The following CDKN2B-AS1 variants were observed in gnomAD, a reference collection of about 807,000 sequenced individuals.
CDKN2B-AS1 encodes the protein CDKN2B antisense RNA 1 (non-protein coding).
chr9:22,093,084 C>A (rs1284294413), intron 4 of CDKN2B-AS1, among the ~76,000 whole-genome samples: 1 of 151,706 alleles, frequency 6.6e-6, no homozygotes, highest in South Asian at 2.1e-4. Context: ...GTTATGTACC[C>A]AGTAGTCATT....
intron 1 of CDKN2B-AS1, among the ~76,000 whole-genome samples, chr9:22,020,540 T>C (rs1821972123): frequency 6.6e-6 from 1 of 152,180 alleles, no homozygotes; most frequent in Non-Finnish European, 1.5e-5. Flanking sequence ...ACAGCATCTG[T>C]TATTTTTTTT....
intron 4 of CDKN2B-AS1, among the ~76,000 whole-genome samples, chr9:22,067,525 A>AAC (rs67625583): frequency 1.4e-4 from 21 of 151,854 alleles, no homozygotes; most frequent in South Asian, 4.2e-4. Flanking sequence ...AAATAAAAAG[A>AAC]ACACACACAC....
At chr9:22,114,191 A>G (rs1322889943) in intron 4 of CDKN2B-AS1, among the ~76,000 whole-genome samples, 1 of 152,188 alleles carries the variant, frequency 6.6e-6, no homozygotes, top group African/African-American at 2.4e-5. Context: ...CACTTCTGTC[A>G]TGACCTAGTT....
At chr9:22,099,858 G>C (rs897396881) in intron 4 of CDKN2B-AS1, among the ~76,000 whole-genome samples, 2 of 152,150 alleles carry the variant, frequency 1.3e-5, no homozygotes, top group African/African-American at 4.8e-5. Context: ...GATGCATAAA[G>C]CGTCTCTAGA....
chr9:22,079,643 A>G (rs1486364958), intron 4 of CDKN2B-AS1, among the ~76,000 whole-genome samples: 1 of 152,076 alleles, frequency 6.6e-6, no homozygotes, highest in Non-Finnish European at 1.5e-5. Context: ...TAATGTTGGC[A>G]CTCTGAGATA....
rs542102009 is a variant in CDKN2B-AS1, at chr9:22,073,496, G to C, written n.438+17109G>C. Among the ~76,000 whole-genome samples the C allele has an allele frequency of 2.6e-5, 4 of 152,268 alleles. No homozygotes were observed. The East Asian group carries it at 5.8e-4, about 22-fold the overall frequency. ...GAACATTACCACCCTAGCACTATGA[G>C]TGAGGTGAGACAGAGAGATTTCTAA... is the stretch of plus-strand genomic sequence containing the variant. On this transcript the variant is annotated intron_variant and non_coding_transcript_variant, in intron 4 of 4. Coordinates refer to ENST00000650946, the Ensembl canonical transcript of CDKN2B-AS1.
intron 4 of CDKN2B-AS1, among the ~76,000 whole-genome samples, chr9:22,115,955 C>T (rs1825938633): frequency 6.6e-6 from 1 of 152,012 alleles, no homozygotes; most frequent in Non-Finnish European, 1.5e-5. Context: ...TGTTCGGATC[C>T]CTTCAGCTAA....
At chr9:22,068,513 A>C (rs901602405) in intron 4 of CDKN2B-AS1, among the ~76,000 whole-genome samples, 2 of 152,138 alleles carry the variant, frequency 1.3e-5, no homozygotes, top group African/African-American at 4.8e-5. Flanking sequence ...CCCGAGTTTG[A>C]CAGAGAGCGT....
intron 4 of CDKN2B-AS1, among the ~76,000 whole-genome samples, chr9:22,094,379 G>C (rs1221421909): frequency 6.9e-6 from 1 of 144,128 alleles, no homozygotes; most frequent in Non-Finnish European, 1.5e-5. Context: ...TGCTAGATTG[G>C]GGAAGTTCTC....
rs1821122365 is a variant in CDKN2B-AS1, at chr9:22,005,405, A to C, written n.29+10244A>C. The C allele has an allele frequency of 4.1e-6, 1 of 246,216 alleles. No homozygotes were observed. Among genetic ancestry groups the C allele is most frequent in the Non-Finnish European group, 7.9e-6 (1 of 125,870 alleles). 15.3% of individuals were successfully genotyped at this position (246,216 alleles called of 1,614,324 possible). A position where few individuals can be genotyped will look rare whatever the true frequency, so the allele number is the denominator to read the frequency against. ...GGCTTCCAGAGAGTGTCGTTTACGCATGTGACTTGCCATGCGCTCAAACTA... is the reference window on the plus strand; with the variant it reads ...GGCTTCCAGAGAGTGTCGTTTACGCCTGTGACTTGCCATGCGCTCAAACTA... On this transcript the variant is annotated intron_variant and non_coding_transcript_variant, in intron 1 of 4. Transcript: ENST00000650946. This position sits in a 1 kb window ranked among gnomAD's most constrained non-coding sequence, Gnocchi z 4.9.
At chr9:22,028,155 A>G (rs548377624) in intron 1 of CDKN2B-AS1, among the ~76,000 whole-genome samples, 3 of 152,226 alleles carry the variant, frequency 2.0e-5, no homozygotes, top group East Asian at 1.9e-4. Flanking sequence ...TGTCCATGCT[A>G]TAATGATTCC....
rs1820680355 is a variant in CDKN2B-AS1, at chr9:21,996,286, C to G, written n.29+1125C>G. 6.6e-6 allele frequency among the ~76,000 whole-genome samples: 1 copy of G among 152,178 alleles called. No individual in the cohort carries two copies. Among genetic ancestry groups the G allele is most frequent in the Non-Finnish European group, 1.5e-5 (1 of 68,032 alleles). On this transcript the variant is annotated intron_variant and non_coding_transcript_variant, in intron 1 of 4. Coordinates refer to ENST00000650946, the Ensembl canonical transcript of CDKN2B-AS1. The surrounding 1 kb of genome is among the most constrained non-coding windows in gnomAD (Gnocchi z 5.4). ...AAGTGAGATTTAGCGATCACTCTTA[C>G]GTAGCCACTCTAAATATCTATCTAG...
chr9:22,004,595 G>C (rs1188929971), intron 1 of CDKN2B-AS1: 1 of 232,358 alleles, frequency 4.3e-6, no homozygotes, highest in East Asian at 6.1e-5. Flanking sequence ...TATTAAAGTA[G>C]TGAAGTATCA....
intron 4 of CDKN2B-AS1, among the ~76,000 whole-genome samples, chr9:22,103,275 T>G (rs1013528007): frequency 5.3e-5 from 8 of 151,968 alleles, no homozygotes; most frequent in African/African-American, 1.5e-4. Context: ...TCACCACTGA[T>G]ATATAGCTGG....
exon 5 of CDKN2B-AS1, among the ~76,000 whole-genome samples, chr9:22,127,934 T>A (rs1013944222): frequency 6.6e-6 from 1 of 152,084 alleles, no homozygotes. Flanking sequence ...GACAACTGGG[T>A]GCATAAAAAG....
rs751928822 is a variant in CDKN2B-AS1, at chr9:22,005,991, T to C, written n.29+10830T>C. 6.9e-6 allele frequency: 11 copies of C among 1,601,806 alleles called. No homozygotes were observed. The East Asian group carries it at 1.6e-4, about 23-fold the overall frequency. On this transcript the variant is annotated intron_variant and non_coding_transcript_variant, in intron 1 of 4. Coordinates refer to ENST00000650946, the Ensembl canonical transcript of CDKN2B-AS1. The surrounding 1 kb of genome is among the most constrained non-coding windows in gnomAD (Gnocchi z 4.9). ...GGGCGGCTGGGGAACCTGGCGTCAG[T>C]CCCCCGTGGCTGTGCGCAGGTACCC...
At chr9:22,025,405 G>T (rs1485219361) in intron 1 of CDKN2B-AS1, among the ~76,000 whole-genome samples, 3 of 152,292 alleles carry the variant, frequency 2.0e-5, no homozygotes, top group South Asian at 4.1e-4. Flanking sequence ...CATTGCAGAG[G>T]TAGTGGCAGA....
rs140286870 is a variant in CDKN2B-AS1 at position 22,042,768 on chromosome 9, A to G, written n.30-3983A>G. Among the ~76,000 whole-genome samples the G allele has an allele frequency of 7.8e-3, 1,185 of 152,232 alleles. 15 individuals are homozygous for G. The highest frequency in any genetic ancestry group is 0.027 in the African/African-American group (1,119 of 41,570). ...AAAGAAAGCAAAACAGATATCACTG[A>G]GTTTACTTCTCAAAAAAACCTTGCG... On this transcript the variant is annotated intron_variant and non_coding_transcript_variant, in intron 1 of 4. Transcript: ENST00000650946.
At position 21,997,528 on chromosome 9, in the gene CDKN2B-AS1, T is replaced by C. The variant is rs1176313241; in HGVS notation, n.29+2367T>C. 6.6e-6 allele frequency among the ~76,000 whole-genome samples: 1 copy of C among 151,986 alleles called. No homozygotes were observed. Among genetic ancestry groups the C allele is most frequent in the Non-Finnish European group, 1.5e-5 (1 of 67,980 alleles). ...GAAAGAGAAAGAGAGAAAATACTTATTTTAAGGAATTGTCTCAGAAAATGG... is the reference window on the plus strand; with the variant it reads ...GAAAGAGAAAGAGAGAAAATACTTACTTTAAGGAATTGTCTCAGAAAATGG... On this transcript the variant is annotated intron_variant and non_coding_transcript_variant, in intron 1 of 4. Transcript: ENST00000650946. The surrounding 1 kb of genome is among the most constrained non-coding windows in gnomAD (Gnocchi z 4.8).
Sources: gnomAD v4.1 joint callset for allele counts (sites outside exome capture counted in the v4.1 genomes callset) on GRCh38, gnomAD v4.1.1 for gene constraint, Gnocchi (gnomAD v3.1) non-coding constraint, MANE v1.5 for transcripts, NCBI Gene and HGNC (gene_info 2026-07-23, HGNC 2026-07-21) for gene names.